TBCK: variants seen among roughly 807,000 people sequenced by gnomAD.
The protein encoded by TBCK is TBC domain-containing protein kinase-like protein.
TBCK carries 99 observed loss-of-function variants against 113.4 expected under a neutral mutation model. The ratio of observed to expected loss-of-function variants is 0.87; its 90% CI spans 0.74 to 1.03. The LOEUF is 1.03. TBCK is among the 50% of genes least tolerant of loss of function. The pLI is 0.00. For synonymous variants in TBCK, 369 were observed against 370.8 expected, an observed-to-expected ratio of 1.00 and a Z score of 0.05; for missense variants, 1,045 against 1,061.3, an observed-to-expected ratio of 0.98 and a Z score of 0.21.
intron 5 of TBCK, among the ~76,000 whole-genome samples, chr4:106,257,185 C>T (rs530314536): frequency 9.2e-5 from 14 of 152,090 alleles, no homozygotes; most frequent in Non-Finnish European, 1.2e-4. Context: ...GAATAAGAAC[C>T]GTTTTAGAAG....
intron 23 of TBCK, among the ~76,000 whole-genome samples, chr4:106,120,744 T>C (rs368647091): frequency 6.0e-4 from 92 of 152,174 alleles, no homozygotes; most frequent in Middle Eastern, 3.4e-3. Flanking sequence ...AACAGACCTG[T>C]AGCTGAGGGT....
intron 23 of TBCK, among the ~76,000 whole-genome samples, chr4:106,160,461 C>T (rs1465324115): frequency 6.6e-6 from 1 of 151,526 alleles, no homozygotes; most frequent in Middle Eastern, 3.2e-3. Context: ...GGGCATTTCT[C>T]CAGAGAAGAT....
At chr4:106,185,630 C>T (rs948469642) in intron 22 of TBCK, among the ~76,000 whole-genome samples, 2 of 152,102 alleles carry the variant, frequency 1.3e-5, no homozygotes, top group African/African-American at 4.8e-5. Flanking sequence ...AACACCCTCA[C>T]ATGTTAATGG....
At chr4:106,100,901 G>T (rs1413789755) in intron 24 of TBCK, among the ~76,000 whole-genome samples, 1 of 152,046 alleles carries the variant, frequency 6.6e-6, no homozygotes, top group Non-Finnish European at 1.5e-5. Flanking sequence ...CAAACAATGT[G>T]ATTTTTCAAT....
intron 3 of TBCK, among the ~76,000 whole-genome samples, chr4:106,294,583 G>A (rs777018580): frequency 1.3e-5 from 2 of 151,654 alleles, no homozygotes; most frequent in South Asian, 4.2e-4. Flanking sequence ...CTGGGTTCAC[G>A]CCATTCTCCT....
intron 2 of TBCK, among the ~76,000 whole-genome samples, chr4:106,301,807 G>C (rs1412873409): frequency 6.6e-6 from 1 of 152,122 alleles, no homozygotes; most frequent in Admixed American, 6.6e-5. Context: ...TATCTGCATA[G>C]CAAGAACAGA....
At chr4:106,242,337 C>T in intron 12 of TBCK, 133 bp downstream of exon 12, 4 of 507,718 alleles carry the variant, frequency 7.9e-6, no homozygotes, top group Middle Eastern at 5.3e-4. Flanking sequence ...CAATTCTACT[C>T]TGGGGCACAT....
intron 25 of TBCK, among the ~76,000 whole-genome samples, chr4:106,083,613 C>A (rs1208272163): frequency 6.6e-6 from 1 of 152,208 alleles, no homozygotes; most frequent in Non-Finnish European, 1.5e-5. Context: ...AGGTCCTGCT[C>A]CCTGTGCCAC....
intron 23 of TBCK, among the ~76,000 whole-genome samples, chr4:106,170,559 T>C (rs896403664): frequency 6.6e-6 from 1 of 152,108 alleles, no homozygotes; most frequent in African/African-American, 2.4e-5. Flanking sequence ...ACATACATAT[T>C]AACAGAAATT....
chr4:106,192,285 TCC>T (rs1412367982), intron 22 of TBCK, among the ~76,000 whole-genome samples: 46 of 152,206 alleles, frequency 3.0e-4, no homozygotes, highest in African/African-American at 9.6e-4. Flanking sequence ...CAATCAGCAT[TCC>T]TAATATATAT....
intron 3 of TBCK, among the ~76,000 whole-genome samples, chr4:106,279,994 G>C (rs1388545354): frequency 1.3e-5 from 2 of 151,984 alleles, no homozygotes; most frequent in Non-Finnish European, 2.9e-5. Context: ...TTTTAGTTTT[G>C]TTGAGGAACC....
intron 11 of TBCK, among the ~76,000 whole-genome samples, chr4:106,244,038 T>A (rs773365356): frequency 1.3e-5 from 2 of 152,158 alleles, no homozygotes; most frequent in African/African-American, 4.8e-5. Context: ...TAGGTTCATA[T>A]TTTTATGAAT....
chr4:106,085,441 T>C (rs778702276), intron 25 of TBCK, among the ~76,000 whole-genome samples: 2 of 152,194 alleles, frequency 1.3e-5, no homozygotes, highest in Non-Finnish European at 2.9e-5. Flanking sequence ...ATTCACCCAA[T>C]ATAGGAGCAC....
At chr4:106,060,371 CACTG>C (rs1735902014) in intron 25 of TBCK, among the ~76,000 whole-genome samples, 1 of 151,708 alleles carries the variant, frequency 6.6e-6, no homozygotes, top group African/African-American at 2.4e-5. Flanking sequence ...AGCTAATACT[CACTG>C]ACCATTCCAA....
chr4:106,134,010 C>CAAACAA (rs1429173789), intron 23 of TBCK, among the ~76,000 whole-genome samples: 3 of 131,644 alleles, frequency 2.3e-5, no homozygotes, highest in Non-Finnish European at 4.9e-5. Context: ...GATTCCGTCT[C>CAAACAA]AAACAAAAAC....
chr4:106,171,088 T>C lies in TBCK; in HGVS notation c.2235+7A>G, dbSNP rs1177451441. On this transcript the variant is annotated splice_region_variant and intron_variant, in intron 23 of 25. Transcript: ENST00000394708. The stretch of plus-strand genomic sequence containing the variant: ...AGAGTTTGTAAACTAAATCCGCAAA[T>C]ACATACCAGATCTGTCTTTGGAGGA... 13 of 1,581,604 alleles carry C rather than the reference T, an allele frequency of 8.2e-6. No individual in the cohort carries two copies. Among genetic ancestry groups the C allele is most frequent in the Non-Finnish European group, 1.1e-5 (13 of 1,167,706 alleles).
At chr4:106,266,577 A>T (rs1763013786) in intron 3 of TBCK, among the ~76,000 whole-genome samples, 1 of 151,902 alleles carries the variant, frequency 6.6e-6, no homozygotes, top group Admixed American at 6.6e-5. Context: ...CATTCATGTT[A>T]AAAATGAGCT....
chr4:106,148,159 T>A (rs939350404), intron 23 of TBCK, among the ~76,000 whole-genome samples: 19 of 152,192 alleles, frequency 1.2e-4, no homozygotes, highest in African/African-American at 4.6e-4. Context: ...GCCCGAAACT[T>A]CATTAGCAAT....
rs1407511807 is a variant in TBCK, at chr4:106,122,496, A to G, written c.2236-6118T>C. ...TCTGAAACTATTCCAATCAATAGAA[A>G]AAGAGGGAATCCTCCCTAACTCATT... On this transcript the variant is annotated intron_variant, in intron 23 of 25. Transcript: ENST00000394708. 3.3e-5 allele frequency among the ~76,000 whole-genome samples: 5 copies of G among 152,156 alleles called. No homozygotes were observed. The South Asian group carries it at 6.2e-4, about 19-fold the overall frequency.
Sources: gnomAD v4.1 joint callset for allele counts (sites outside exome capture counted in the v4.1 genomes callset) on GRCh38, gnomAD v4.1.1 for gene constraint, MANE v1.5 for transcripts, NCBI Gene and HGNC (gene_info 2026-07-23, HGNC 2026-07-21) for gene names.